Variants in NFATC1 observed in about 807,000 individuals in gnomAD.
The protein encoded by NFATC1 is nuclear factor of activated T cells 1, also known as nuclear factor of activated T-cells, cytoplasmic 1.
NFATC1 carries 22 observed loss-of-function variants against 76.0 expected under a neutral mutation model. That is an observed-to-expected ratio of 0.29 (90% CI 0.21 to 0.41). NFATC1 has a LOEUF of 0.41. Ranked by LOEUF, NFATC1 falls within the 10% of genes least tolerant of loss-of-function variation. NFATC1 has a pLI of 1.00. For missense variants in NFATC1, 1,357 were observed against 1,337.7 expected, an observed-to-expected ratio of 1.01 and a Z score of -0.23; for synonymous variants, 704 against 613.1, an observed-to-expected ratio of 1.15 and a Z score of -2.19.
At chr18:79,471,439 C>T (rs530086291) in intron 8 of NFATC1, among the ~76,000 whole-genome samples, 1 of 152,326 alleles carries the variant, frequency 6.6e-6, no homozygotes, top group East Asian at 1.9e-4. Context: ...AAATTACCTA[C>T]CAAAGTCAGT....
chr18:79,404,853 A>G (rs1256084300), intron 1 of NFATC1, among the ~76,000 whole-genome samples: 2 of 152,208 alleles, frequency 1.3e-5, no homozygotes, highest in Admixed American at 1.3e-4. Context: ...CGGGGTCTGC[A>G]AGGTTAGAAT....
chr18:79,487,725 C>T (rs1238908036), intron 9 of NFATC1, among the ~76,000 whole-genome samples: 3 of 152,214 alleles, frequency 2.0e-5, no homozygotes, highest in South Asian at 4.1e-4. Context: ...TGCTTGCAGT[C>T]GCGCTGTGAT....
chr18:79,527,502 C>T, intron 9 of NFATC1, 26 bp from the exon 10 acceptor site: 1 of 1,600,528 alleles, frequency 6.2e-7, no homozygotes, highest in African/African-American at 1.3e-5. Context: ...TTCTCTAATA[C>T]TTTCTCAATT....
intron 8 of NFATC1, among the ~76,000 whole-genome samples, chr18:79,471,647 T>C (rs1300274166): frequency 6.6e-6 from 1 of 150,822 alleles, no homozygotes; most frequent in Non-Finnish European, 1.5e-5. Flanking sequence ...TCTGTGGGGG[T>C]CCCTTTCGTG....
chr18:79,425,973 A>C (rs993740025), intron 2 of NFATC1, among the ~76,000 whole-genome samples: 1 of 152,202 alleles, frequency 6.6e-6, no homozygotes, highest in Non-Finnish European at 1.5e-5. Flanking sequence ...GCGCTTTGGG[A>C]GGCCGAGGCA....
chr18:79,495,281 C>CT (rs2089847937), intron 9 of NFATC1, among the ~76,000 whole-genome samples: 1 of 152,204 alleles, frequency 6.6e-6, no homozygotes, highest in Non-Finnish European at 1.5e-5. Flanking sequence ...CGGGCTGCTC[C>CT]TTGGGGCCTG....
Position 79,396,133 on chromosome 18 carries a change from C to T in NFATC1, c.-92C>T. The stretch of plus-strand genomic sequence containing the variant: ...CGCGGCGCTGAGCCCGGGGCGAGGG[C>T]TGTCTTCCCGGAGACCCGACCCCGG... On this transcript the variant is annotated 5_prime_UTR_variant, in exon 1 of 10. Transcript: ENST00000427363. 1.6e-6 allele frequency: 2 copies of T among 1,272,020 alleles called. No homozygotes were observed. Among genetic ancestry groups the T allele is most frequent in the African/African-American group, 1.6e-5 (1 of 62,602 alleles). The allele number at this position is 1,272,020 out of a possible 1,614,324, so 78.8% of individuals were successfully genotyped here. A position where few individuals can be genotyped will look rare whatever the true frequency, so the allele number is the denominator to read the frequency against.
At chr18:79,459,194 G>A (rs1170611046) in intron 6 of NFATC1, among the ~76,000 whole-genome samples, 1 of 152,272 alleles carries the variant, frequency 6.6e-6, no homozygotes, top group African/African-American at 2.4e-5. Flanking sequence ...CAGGTGTGCG[G>A]TGGAGGCTGC....
chr18:79,407,876 C>T (rs1416237966), intron 1 of NFATC1, among the ~76,000 whole-genome samples: 3 of 152,246 alleles, frequency 2.0e-5, no homozygotes, highest in Non-Finnish European at 2.9e-5. Context: ...CCCCAAGGCG[C>T]TCAGCCTCAG....
chr18:79,510,341 T>C (rs1357325274), intron 9 of NFATC1, among the ~76,000 whole-genome samples: 1 of 152,078 alleles, frequency 6.6e-6, no homozygotes, highest in East Asian at 1.9e-4. Flanking sequence ...AAACCACATA[T>C]GGGGATCAGA....
chr18:79,516,901 G>C (rs2090398806), intron 9 of NFATC1, among the ~76,000 whole-genome samples: 1 of 152,152 alleles, frequency 6.6e-6, no homozygotes, highest in African/African-American at 2.4e-5. Context: ...TTAAATGAGA[G>C]CCATACAAGT....
chr18:79,424,783 C>T (rs2086233739), intron 2 of NFATC1, among the ~76,000 whole-genome samples: 1 of 134,822 alleles, frequency 7.4e-6, no homozygotes, highest in African/African-American at 2.6e-5. Context: ...CTCTGTCTCT[C>T]TGTCTCTGAC....
At chr18:79,477,201 T>C (rs575374319) in intron 8 of NFATC1, among the ~76,000 whole-genome samples, 1 of 152,360 alleles carries the variant, frequency 6.6e-6, no homozygotes, top group East Asian at 1.9e-4. Context: ...CCTGGTTGTT[T>C]ATGTTGATGG....
At chr18:79,508,346 T>G (rs2090165976) in intron 9 of NFATC1, among the ~76,000 whole-genome samples, 1 of 152,106 alleles carries the variant, frequency 6.6e-6, no homozygotes, top group South Asian at 2.1e-4. Context: ...GGCAGTTCGC[T>G]CGGCCTGACC....
chr18:79,434,898 A>C (rs1413033016), intron 3 of NFATC1, among the ~76,000 whole-genome samples: 1 of 152,232 alleles, frequency 6.6e-6, no homozygotes, highest in Non-Finnish European at 1.5e-5. Context: ...CTTGATGCCA[A>C]TTAGTACCTC....
rs1381966515 is a variant in NFATC1, at chr18:79,410,961, C to T, written c.686C>T (p.Thr229Ile). 13 of 1,602,890 alleles carry T rather than the reference C, an allele frequency of 8.1e-6. No individual in the cohort carries two copies. In the South Asian group the frequency reaches 8.9e-5, roughly 11 times the overall value. ...EGFPRGLGACTLLGSPRHSPS... is the reference protein window; with the variant it reads ...EGFPRGLGACILLGSPRHSPS... ...TTTCCCCGCGGGCTGGGGGCCTGCA[C>T]ACTGCTGGGTTCCCCGCGGCACTCC... The change falls in exon 2 of 10, where the codon ACA becomes ATA. Residue 229 changes from threonine (T) to isoleucine (I), a missense_variant. By Grantham distance (89) the Thr-to-Ile change is moderately conservative (BLOSUM62 -1). This residue lies in a region of NFATC1 where 691 missense variants were observed against 613.1 expected (regional missense o/e 1.13). Coordinates refer to ENST00000427363, the MANE Select transcript of NFATC1 (RefSeq NM_001278669.2). The surrounding 1 kb of genome is among the most constrained non-coding windows in gnomAD (Gnocchi z 6.7).
intron 4 of NFATC1, among the ~76,000 whole-genome samples, chr18:79,449,311 CA>C (rs369521452): frequency 1.2e-3 from 189 of 152,314 alleles, no homozygotes; most frequent in Non-Finnish European, 2.0e-3. Context: ...ACGTGAGCAT[CA>C]AAAAATTAAA....
At chr18:79,404,486 G>A (rs894559615) in intron 1 of NFATC1, among the ~76,000 whole-genome samples, 1 of 119,358 alleles carries the variant, frequency 8.4e-6, no homozygotes, top group Non-Finnish European at 1.8e-5. Context: ...GCCCTGCTTC[G>A]TTTTGTTTTA....
rs957137826 is a variant in NFATC1 at position 79,442,843 on chromosome 18, C to G, written c.1387-5939C>G. 3.9e-5 allele frequency among the ~76,000 whole-genome samples: 6 copies of G among 152,154 alleles called. No individual in the cohort carries two copies. In the South Asian group the frequency reaches 8.3e-4, roughly 21 times the overall value. On this transcript the variant is annotated intron_variant, in intron 3 of 9. Transcript: ENST00000427363. ...ACCCGAGTTTCTCCCCACTCCCACC[C>G]AGACAGCTCCCCACTCCCACCCGGA...
Sources: allele counts gnomAD v4.1 joint callset (sites outside exome capture counted in the v4.1 genomes callset), GRCh38; gene constraint gnomAD v4.1.1; regional missense constraint gnomAD v4.1.1; non-coding constraint Gnocchi (gnomAD v3.1); transcripts MANE v1.5; gene names NCBI Gene and HGNC (gene_info 2026-07-23, HGNC 2026-07-21).